The following GLIS3 variants were observed in gnomAD, a reference collection of about 807,000 sequenced individuals.
GLIS3 encodes GLIS family zinc finger 3.
Under a neutral mutation model 78.6 loss-of-function variants are expected in GLIS3, and 53 were observed. That is an observed-to-expected ratio of 0.67 (90% CI 0.54 to 0.85). The LOEUF (loss-of-function observed/expected upper bound fraction) is 0.85. Ranked by LOEUF, GLIS3 falls within the 40% of genes least tolerant of loss-of-function variation. The probability of loss-of-function intolerance (pLI) is 0.00; values close to 1 mark genes in which losing one functional copy is unlikely to be tolerated. For synonymous variants in GLIS3, 684 were observed against 509.9 expected (o/e 1.34, Z -4.60); for missense variants, 1,703 against 1,231.1 (o/e 1.38, Z -5.74).
chr9:4,444,940 G>C, the GLIS3 span, among the ~76,000 whole-genome samples: 210 of 152,258 alleles, frequency 1.4e-3, 3 homozygotes, highest in African/African-American at 3.8e-3. Context: ...AGAAACATGA[G>C]GGTTAAAAAA....
chr9:4,391,972 T>G, the GLIS3 span, among the ~76,000 whole-genome samples: 1 of 152,172 alleles, frequency 6.6e-6, no homozygotes, highest in Non-Finnish European at 1.5e-5. Flanking sequence ...CCAGCACTAT[T>G]CACAATAGCA....
chr9:4,352,960 G>C (rs1015763842), upstream of GLIS3, among the ~76,000 whole-genome samples: 1 of 152,106 alleles, frequency 6.6e-6, no homozygotes, highest in Non-Finnish European at 1.5e-5. Flanking sequence ...TAAGATATAG[G>C]GTCCTCTCGC....
At chr9:4,476,984 T>G in the GLIS3 span, among the ~76,000 whole-genome samples, 2 of 152,094 alleles carry the variant, frequency 1.3e-5, no homozygotes, top group Non-Finnish European at 2.9e-5. Context: ...ATGGTACACC[T>G]GCTATGGAAA....
chr9:4,044,886 A>T (rs1192383336), intron 4 of GLIS3, among the ~76,000 whole-genome samples: 1 of 152,066 alleles, frequency 6.6e-6, no homozygotes, highest in East Asian at 1.9e-4. Context: ...TAGAATGAGT[A>T]AGAAACAGAC....
chr9:4,465,270 G>A, the GLIS3 span, among the ~76,000 whole-genome samples: 70 of 152,174 alleles, frequency 4.6e-4, no homozygotes, highest in South Asian at 6.2e-4. Flanking sequence ...ATAATAGGCC[G>A]GGCACGGTGG....
intron 2 of GLIS3, among the ~76,000 whole-genome samples, chr9:4,169,771 T>TA (rs1261679471): frequency 6.6e-6 from 1 of 152,142 alleles, no homozygotes; most frequent in East Asian, 1.9e-4. Context: ...GCAAATGTGG[T>TA]AAAAAGTTAA....
At chr9:4,047,353 T>A (rs112175322) in intron 4 of GLIS3, among the ~76,000 whole-genome samples, 1 of 152,210 alleles carries the variant, frequency 6.6e-6, no homozygotes, top group South Asian at 2.1e-4. Flanking sequence ...AGTATCTTGA[T>A]AGTAGTGTGA....
At chr9:4,018,988 G>T (rs1011691192) in intron 4 of GLIS3, among the ~76,000 whole-genome samples, 1 of 152,194 alleles carries the variant, frequency 6.6e-6, no homozygotes, top group Non-Finnish European at 1.5e-5. Flanking sequence ...TAAGGCATGA[G>T]GTAACAGCAG....
intron 7 of GLIS3, among the ~76,000 whole-genome samples, chr9:3,896,703 C>T (rs1822868817): frequency 9.8e-6 from 1 of 102,052 alleles, no homozygotes; most frequent in East Asian, 3.2e-4. Context: ...GGTAAACTTT[C>T]ACAGTCATAA....
chr9:4,041,972 G>A (rs1422842322), intron 4 of GLIS3, among the ~76,000 whole-genome samples: 1 of 152,188 alleles, frequency 6.6e-6, no homozygotes, highest in Non-Finnish European at 1.5e-5. Context: ...GATTTTGCAT[G>A]TCCTGAACCT....
At chr9:4,332,698 T>G (rs942936684) in intron 2 of GLIS3, among the ~76,000 whole-genome samples, 1 of 152,234 alleles carries the variant, frequency 6.6e-6, no homozygotes, top group East Asian at 1.9e-4. Context: ...CTCTAATCTT[T>G]GAGCTATTGT....
intron 2 of GLIS3, among the ~76,000 whole-genome samples, chr9:4,333,413 C>CT (rs1039716788): frequency 6.6e-6 from 1 of 152,060 alleles, no homozygotes; most frequent in Non-Finnish European, 1.5e-5. Context: ...GAAACTAAGT[C>CT]TTTTTTAAAA....
intron 2 of GLIS3, among the ~76,000 whole-genome samples, chr9:4,188,926 G>A (rs1003336264): frequency 6.6e-6 from 1 of 151,734 alleles, no homozygotes; most frequent in Non-Finnish European, 1.5e-5. Flanking sequence ...TATCAATTTT[G>A]TTGATCCTTT....
intron 2 of GLIS3, among the ~76,000 whole-genome samples, chr9:4,311,502 C>G (rs1021829532): frequency 6.6e-6 from 1 of 152,214 alleles, no homozygotes; most frequent in Non-Finnish European, 1.5e-5. Context: ...CTTCACCAGA[C>G]TCCCAGAGAA....
At chr9:4,455,397 G>C in the GLIS3 span, among the ~76,000 whole-genome samples, 2 of 152,230 alleles carry the variant, frequency 1.3e-5, no homozygotes, top group Middle Eastern at 3.4e-3. Context: ...CAACCTCCAA[G>C]AAGAGGATGG....
intron 2 of GLIS3, among the ~76,000 whole-genome samples, chr9:4,220,811 T>C (rs1489095722): frequency 2.0e-5 from 3 of 151,844 alleles, no homozygotes; most frequent in African/African-American, 7.3e-5. Context: ...TAAAGAGACA[T>C]GACAGCAACA....
intron 9 of GLIS3, among the ~76,000 whole-genome samples, chr9:3,833,092 C>T (rs1478124640): frequency 6.6e-6 from 1 of 152,310 alleles, no homozygotes; most frequent in Middle Eastern, 3.4e-3. Context: ...ACATTCTGGG[C>T]TTCATCTCCT....
chr9:4,227,209 G>A (rs531586431), intron 2 of GLIS3, among the ~76,000 whole-genome samples: 1 of 151,760 alleles, frequency 6.6e-6, no homozygotes, highest in Non-Finnish European at 1.5e-5. Flanking sequence ...CCTCGGTTGG[G>A]TGTTCCATCC....
At chr9:4,291,894 T>C (rs936070567) in intron 1 of GLIS3, among the ~76,000 whole-genome samples, 1 of 152,156 alleles carries the variant, frequency 6.6e-6, no homozygotes, top group Non-Finnish European at 1.5e-5. Context: ...TCACTAGTAA[T>C]TATTAGAAGT....
Sources: gnomAD v4.1 joint callset for allele counts (sites outside exome capture counted in the v4.1 genomes callset) on GRCh38, gnomAD v4.1.1 for gene constraint, MANE v1.5 for transcripts, NCBI Gene and HGNC (gene_info 2026-07-23, HGNC 2026-07-21) for gene names.